Variants in RAB9A observed in about 807,000 individuals in gnomAD.
RAB9A encodes RAB9A, member RAS oncogene family.
In RAB9A, 1 loss-of-function variant was observed where a neutral mutation model predicts 10.3. That is an observed-to-expected ratio of 0.10 (90% CI 0.03 to 0.46). The LOEUF is 0.46. Ranked by LOEUF, RAB9A falls within the 20% of genes least tolerant of loss-of-function variation. The probability of loss-of-function intolerance (pLI) is 0.96; values close to 1 mark genes in which losing one functional copy is unlikely to be tolerated. For missense variants in RAB9A, 92 were observed against 150.3 expected (o/e 0.61, Z 2.03); for synonymous variants, 39 against 55.2 (o/e 0.71, Z 1.30).
At position 13,691,846 on chromosome X, in the gene RAB9A, G is replaced by C. The variant is rs5979947; in HGVS notation, c.-116+2558G>C. ...CAGCCTGTGGGGCACTGATACAAAG[G>C]TGCTGATGAGAAGGGCGGTGGGGAG... On this transcript the variant is annotated intron_variant, in intron 1 of 2. Coordinates refer to ENST00000464506, the MANE Select transcript of RAB9A (RefSeq NM_004251.5). 4.1e-4 allele frequency among the ~76,000 whole-genome samples: 45 copies of C among 110,150 alleles called. 1 individual carries two copies. Among genetic ancestry groups the C allele is most frequent in the Admixed American group, 6.8e-4 (7 of 10,269 alleles).
At chrX:13,692,663 A>G (rs1448267129) in intron 1 of RAB9A, among the ~76,000 whole-genome samples, 1 of 111,739 alleles carries the variant, frequency 8.9e-6, no homozygotes, top group African/African-American at 3.3e-5. Flanking sequence ...CAAAATATGT[A>G]CTGCTTCATT....
At chrX:13,695,092 G>A (rs772372780) in intron 1 of RAB9A, among the ~76,000 whole-genome samples, 3 of 112,180 alleles carry the variant, frequency 2.7e-5, no homozygotes, top group East Asian at 5.6e-4. Context: ...CTCCGGACCC[G>A]GCCTGTCTGG....
chrX:13,706,597 C>T (rs1012748358), intron 2 of RAB9A, among the ~76,000 whole-genome samples: 3 of 105,787 alleles, frequency 2.8e-5, no homozygotes, highest in African/African-American at 1.0e-4. Flanking sequence ...CGGGGTTTCA[C>T]CATGTTGGCC....
At chrX:13,691,282 T>G (rs922795004) in intron 1 of RAB9A, among the ~76,000 whole-genome samples, 1 of 110,985 alleles carries the variant, frequency 9.0e-6, no homozygotes, top group Non-Finnish European at 1.9e-5. Flanking sequence ...AAATGCAATG[T>G]CGTTTTCCTA....
At position 13,709,285 on chromosome X, in the gene RAB9A, A is replaced by G; in HGVS notation, c.539A>G (p.Asp180Gly). ...RRVLATEDRS[D>G]HLIQTDTVNL... The stretch of plus-strand genomic sequence containing the variant: ...GTTCTTGCTACCGAGGATAGGTCAG[A>G]TCATTTGATTCAGACAGACACAGTC... The change falls in exon 3 of 3, where the codon GAT (aspartate) becomes GGT (glycine). Residue 180 changes from aspartate (D) to glycine (G), a missense_variant. By Grantham distance (94) the Asp-to-Gly change is moderately conservative. Coordinates refer to ENST00000464506, the MANE Select transcript of RAB9A (RefSeq NM_004251.5). 8.3e-7 allele frequency: 1 copy of G among 1,210,997 alleles called. No homozygotes were observed. Among genetic ancestry groups the G allele is most frequent in the Non-Finnish European group, 1.1e-6 (1 of 895,172 alleles).
chrX:13,710,252 T>C lies in RAB9A; in HGVS notation c.*900T>C, dbSNP rs966157388. 1.6e-5 allele frequency: 2 copies of C among 124,104 alleles called. No homozygotes were observed. The highest frequency in any genetic ancestry group is 6.4e-5 in the African/African-American group (2 of 31,062). 10.2% of individuals were successfully genotyped at this position (124,104 alleles called of 1,213,427 possible). On this transcript the variant is annotated 3_prime_UTR_variant, in exon 3 of 3. Coordinates refer to ENST00000464506, the MANE Select transcript of RAB9A (RefSeq NM_004251.5). ...TTGACCCTTGGGGAAAGTTTCTTAA[T>C]TGAAGTTAAAACATTCCTTTATAAC...
At chrX:13,689,637 C>T (rs1026707877) in intron 1 of RAB9A, among the ~76,000 whole-genome samples, 10 of 111,863 alleles carry the variant, frequency 8.9e-5, no homozygotes, top group Non-Finnish European at 1.7e-4. Flanking sequence ...CCAACCACTC[C>T]GGGACACACA....
chrX:13,690,498 G>T (rs750544139), intron 1 of RAB9A, among the ~76,000 whole-genome samples: 1 of 111,690 alleles, frequency 9.0e-6, no homozygotes, highest in African/African-American at 3.3e-5. Flanking sequence ...AGAGTAGATA[G>T]GCAAACACTA....
chrX:13,708,159 CA>C (rs1341798147), intron 2 of RAB9A, among the ~76,000 whole-genome samples: 1 of 109,919 alleles, frequency 9.1e-6, no homozygotes, highest in African/African-American at 3.3e-5. Context: ...CCTGTCTCTA[CA>C]AAAAAATAGA....
Position 13,709,064 on chromosome X carries a change from A to G in RAB9A, c.318A>G (p.Ile106Met), listed in dbSNP as rs1453883095. The G allele has an allele frequency of 2.5e-6, 3 of 1,211,575 alleles. No homozygotes were observed. The highest frequency in any genetic ancestry group is 4.6e-4 in the Middle Eastern group (2 of 4,355). ...TAAGTAACTGGAAGAAAGAATTCAT[A>G]TATTATGCAGATGTGAAAGAGCCTG... The part of the protein sequence containing the change: ...QNLSNWKKEF[I>M]YYADVKEPES... The change falls in exon 3 of 3, where the codon ATA becomes ATG. Residue 106 changes from isoleucine (I) to methionine (M), a missense_variant. Ile to Met is a conservative substitution (Grantham distance 10). Transcript: ENST00000464506.
Position 13,704,618 on chromosome X carries a change from C to CTT in RAB9A, c.-27+730_-27+731dup, listed in dbSNP as rs202238921. ...TTTTCTTATATAGATTTCTTTCTTT[C>CTT]TTTTTTTTTTTTTTTAGATAGAGTC... On this transcript the variant is annotated intron_variant, in intron 2 of 2. Coordinates refer to ENST00000464506, the MANE Select transcript of RAB9A (RefSeq NM_004251.5). Among the ~76,000 whole-genome samples, 219 of 95,747 alleles carry CTT rather than the reference C, an allele frequency of 2.3e-3. 1 individual carries two copies. Among genetic ancestry groups the CTT allele is most frequent in the African/African-American group, 6.0e-3 (160 of 26,647 alleles). The allele number at this position is 95,747 out of a possible 115,157, so 83.1% of individuals were successfully genotyped here. A position where few individuals can be genotyped will look rare whatever the true frequency, so the allele number is the denominator to read the frequency against.
At chrX:13,704,839 C>T (rs1392582547) in intron 2 of RAB9A, among the ~76,000 whole-genome samples, 2 of 111,135 alleles carry the variant, frequency 1.8e-5, no homozygotes, top group African/African-American at 3.3e-5. Flanking sequence ...AGGCTGGTCT[C>T]GAACTCCTGA....
At chrX:13,690,702 C>T (rs1420917969) in intron 1 of RAB9A, among the ~76,000 whole-genome samples, 1 of 111,658 alleles carries the variant, frequency 9.0e-6, no homozygotes, top group South Asian at 3.7e-4. Context: ...TTTTTTTTAG[C>T]CTCCCCTCAT....
intron 2 of RAB9A, 142 bp from the exon 3 acceptor site, chrX:13,708,579 A>G (rs746713989): frequency 3.6e-5 from 18 of 493,283 alleles, no homozygotes; most frequent in Non-Finnish European, 5.5e-5. Flanking sequence ...CACATGGCTA[A>G]GTGCTCAGTA....
intron 2 of RAB9A, among the ~76,000 whole-genome samples, chrX:13,708,478 G>A (rs2046207836): frequency 9.0e-6 from 1 of 111,471 alleles, no homozygotes; most frequent in African/African-American, 3.3e-5. Flanking sequence ...TTGGGCTTGA[G>A]TGCCAGCTTC....
chrX:13,694,127 G>T (rs896675195), intron 1 of RAB9A, among the ~76,000 whole-genome samples: 2 of 111,385 alleles, frequency 1.8e-5, no homozygotes, highest in Non-Finnish European at 3.8e-5. Flanking sequence ...ATTTCCAAAA[G>T]GTTAGTGCCC....
At chrX:13,707,427 T>C (rs894318661) in intron 2 of RAB9A, among the ~76,000 whole-genome samples, 57 of 111,776 alleles carry the variant, frequency 5.1e-4, no homozygotes, top group African/African-American at 1.9e-3. Flanking sequence ...TGGGAGCTCA[T>C]TGTATTGTAC....
chrX:13,708,217 G>A (rs1210298020), intron 2 of RAB9A, among the ~76,000 whole-genome samples: 1 of 109,967 alleles, frequency 9.1e-6, no homozygotes, highest in African/African-American at 3.3e-5. Context: ...TCAGCTACTT[G>A]GGAGGCTGAG....
intron 1 of RAB9A, among the ~76,000 whole-genome samples, chrX:13,699,419 G>A (rs1056061723): frequency 4.4e-5 from 5 of 112,442 alleles, no homozygotes; most frequent in African/African-American, 1.6e-4. Flanking sequence ...AGCATTGTAC[G>A]AGAAGTGGCA....
Sources: allele counts gnomAD v4.1 joint callset (sites outside exome capture counted in the v4.1 genomes callset), GRCh38; gene constraint gnomAD v4.1.1; transcripts MANE v1.5; gene names NCBI Gene and HGNC (gene_info 2026-07-23, HGNC 2026-07-21).